Variants in ADGRG7 observed in about 807,000 individuals in gnomAD.
The protein encoded by ADGRG7 is adhesion G protein-coupled receptor G7.
Under a neutral mutation model 88.6 loss-of-function variants are expected in ADGRG7, and 82 were observed. That is an observed-to-expected ratio of 0.93 (90% CI 0.77 to 1.11). The LOEUF is 1.11. Ranked by LOEUF, ADGRG7 falls within the 50% of genes most tolerant of loss-of-function variation. ADGRG7 has a pLI of 0.00. For synonymous variants in ADGRG7, 381 were observed against 345.2 expected (o/e 1.10, Z -1.15); for missense variants, 945 against 953.4 (o/e 0.99, Z 0.12).
At chr3:100,620,617 G>T (rs115295022) in intron 1 of ADGRG7, among the ~76,000 whole-genome samples, 2 of 152,076 alleles carry the variant, frequency 1.3e-5, no homozygotes, top group African/African-American at 4.8e-5. Context: ...ATATTTTCAA[G>T]GTGTTGTCAA....
chr3:100,628,259 GT>G (rs1377601505), intron 1 of ADGRG7, among the ~76,000 whole-genome samples: 15 of 149,526 alleles, frequency 1.0e-4, no homozygotes, highest in South Asian at 4.3e-4. Context: ...CCTTCAAGTA[GT>G]TTTTTTTTTA....
At chr3:100,638,559 C>T (rs1305920503) in intron 6 of ADGRG7, among the ~76,000 whole-genome samples, 1 of 152,128 alleles carries the variant, frequency 6.6e-6, no homozygotes, top group East Asian at 1.9e-4. Context: ...AGACATTATT[C>T]AGAAAGAACC....
chr3:100,677,263 A>G (rs1448091765), intron 15 of ADGRG7, among the ~76,000 whole-genome samples: 6 of 152,042 alleles, frequency 3.9e-5, no homozygotes, highest in African/African-American at 1.4e-4. Flanking sequence ...ATTTGAGGTT[A>G]CCACAAGGCT....
intron 6 of ADGRG7, among the ~76,000 whole-genome samples, 175 bp from the exon 7 acceptor site, chr3:100,643,091 C>T (rs2149024266): frequency 6.6e-6 from 1 of 152,290 alleles, no homozygotes; most frequent in African/African-American, 2.4e-5. Context: ...TATTTAAGTA[C>T]ATATAACACA....
In ADGRG7 at chr3:100,619,299, G is replaced by A. The variant is rs141694426; in HGVS notation, c.115+9328G>A. On this transcript the variant is annotated intron_variant, in intron 1 of 15. Transcript: ENST00000273352. The stretch of plus-strand genomic sequence containing the variant: ...CATGGAAACTGAACAACCTGCTCCT[G>A]AATGAATACTGGGTAAATAATGAAA... Among the ~76,000 whole-genome samples, 1,064 of 152,286 alleles carry A rather than the reference G, an allele frequency of 7.0e-3. 9 individuals are homozygous for A. The highest frequency in any genetic ancestry group is 0.013 in the African/African-American group (540 of 41,562).
chr3:100,688,110 G>T (rs1055554128), intron 15 of ADGRG7, among the ~76,000 whole-genome samples: 4 of 152,160 alleles, frequency 2.6e-5, no homozygotes, highest in African/African-American at 9.7e-5. Context: ...TCTTGGGAGA[G>T]TGTATGTGTC....
intron 11 of ADGRG7, among the ~76,000 whole-genome samples, chr3:100,652,363 C>T (rs1414704888): frequency 1.3e-5 from 2 of 152,060 alleles, no homozygotes; most frequent in Non-Finnish European, 2.9e-5. Flanking sequence ...TAGACTTCAT[C>T]AAATTATGAG....
Position 100,649,866 on chromosome 3 carries a change from CT to C in ADGRG7, c.1379+60del. 2 of 947,652 alleles carry C rather than the reference CT, an allele frequency of 2.1e-6. 1 individual carries two copies. The highest frequency in any genetic ancestry group is 2.9e-5 in the South Asian group (2 of 69,076). 58.7% of individuals were successfully genotyped at this position (947,652 alleles called of 1,614,324 possible). On this transcript the variant is annotated intron_variant, in intron 11 of 15. Transcript: ENST00000273352. ...AATTGCTATCTTGATATAATTTACTCTGAGAATTCTCATGAGTAGTGTCTTT... is the reference window on the plus strand; with the variant it reads ...AATTGCTATCTTGATATAATTTACTCGAGAATTCTCATGAGTAGTGTCTTT...
intron 11 of ADGRG7, among the ~76,000 whole-genome samples, chr3:100,651,171 A>T (rs879390625): frequency 2.6e-5 from 4 of 152,222 alleles, no homozygotes; most frequent in African/African-American, 7.2e-5. Flanking sequence ...GGAGCTGAAT[A>T]CAAAACTATG....
intron 1 of ADGRG7, among the ~76,000 whole-genome samples, chr3:100,620,885 C>G (rs994245414): frequency 2.6e-5 from 4 of 151,280 alleles, no homozygotes; most frequent in African/African-American, 9.7e-5. Context: ...TCAAGCAGGT[C>G]TGTTGGTCCC....
intron 1 of ADGRG7, among the ~76,000 whole-genome samples, chr3:100,622,473 GC>G: frequency 6.6e-6 from 1 of 151,974 alleles, no homozygotes; most frequent in South Asian, 2.1e-4. Flanking sequence ...TTTAACTGTG[GC>G]TTTAATTTGT....
At chr3:100,694,708 C>T (rs1048043121) in intron 15 of ADGRG7, 36 bp from the exon 16 acceptor site, 2 of 1,595,842 alleles carry the variant, frequency 1.3e-6, no homozygotes, top group African/African-American at 2.7e-5. Context: ...TGTATCTCAG[C>T]ACTTACCCAA....
At chr3:100,670,969 G>C (rs1163507211) in intron 15 of ADGRG7, among the ~76,000 whole-genome samples, 2 of 152,168 alleles carry the variant, frequency 1.3e-5, no homozygotes, top group East Asian at 1.9e-4. Context: ...CATTTGGGTT[G>C]GTTCCAAGTC....
intron 14 of ADGRG7, chr3:100,665,191 AC>A: frequency 1.9e-6 from 1 of 539,970 alleles, no homozygotes; most frequent in South Asian, 1.4e-5. Flanking sequence ...GTTCAGGCTT[AC>A]ATCCAACAGG....
At chr3:100,656,146 TATTTTA>T in intron 13 of ADGRG7, 151 bp downstream of exon 13, 1 of 528,590 alleles carries the variant, frequency 1.9e-6, no homozygotes, top group East Asian at 2.9e-5. Context: ...GAACACGTTA[TATTTTA>T]AATGTGATGA....
chr3:100,627,577 A>T (rs1486693238), intron 1 of ADGRG7, among the ~76,000 whole-genome samples: 1 of 152,176 alleles, frequency 6.6e-6, no homozygotes, highest in Non-Finnish European at 1.5e-5. Context: ...TGCTGGCATT[A>T]TGAAATGATT....
At position 100,643,607 on chromosome 3, in the gene ADGRG7, T is replaced by G; in HGVS notation, c.920T>G (p.Leu307Arg). 1.2e-6 allele frequency: 2 copies of G among 1,613,604 alleles called. No homozygotes were observed. Among genetic ancestry groups the G allele is most frequent in the Non-Finnish European group, 1.7e-6 (2 of 1,179,650 alleles). ...CTTAACCCAGATGCACAGACTGAGC[T>G]TCAGGTCTTGCTTAATATGACGAAA... Reference protein sequence around the residue: ...DGLNPDAQTELQVLLNMTKNY... With the variant: ...DGLNPDAQTERQVLLNMTKNY... Residue 307 changes from leucine to arginine, a missense_variant, in exon 8 of 16, where the codon CTT becomes CGT. Transcript: ENST00000273352.
Position 100,646,738 on chromosome 3 carries a change from T to C in ADGRG7, c.1266+14T>C, listed in dbSNP as rs1436642822. The C allele has an allele frequency of 6.2e-7, 1 of 1,602,008 alleles. No homozygotes were observed. The highest frequency in any genetic ancestry group is 1.3e-5 in the African/African-American group (1 of 74,670). Reference sequence around the variant, plus strand: ...GCTGTATTAATGGTAAGGATATACATAGCAATCTCTTTCCAGATGAGAATT... The same window carrying C: ...GCTGTATTAATGGTAAGGATATACACAGCAATCTCTTTCCAGATGAGAATT... On this transcript the variant is annotated intron_variant, in intron 10 of 15. Coordinates refer to ENST00000273352, the MANE Select transcript of ADGRG7 (RefSeq NM_032787.3).
rs533780478 is a variant in ADGRG7 at position 100,633,349 on chromosome 3, A to C, written c.419A>C (p.Asn140Thr). ...CAAAAAGTGACAATAGGAAATTGCA[A>C]TGAAAATCTGGAAACCCTGGAAAAG... ...ELQKVTIGNC[N>T]ENLETLEKQV... Residue 140 changes from asparagine to threonine, a missense_variant, in exon 4 of 16, where the codon AAT becomes ACT. Coordinates refer to ENST00000273352, the MANE Select transcript of ADGRG7 (RefSeq NM_032787.3). The C allele has an allele frequency of 4.4e-6, 7 of 1,588,492 alleles. No homozygotes were observed. In the Admixed American group the frequency reaches 1.2e-4, roughly 28 times the overall value.
Sources: gnomAD v4.1 joint callset for allele counts (sites outside exome capture counted in the v4.1 genomes callset) on GRCh38, gnomAD v4.1.1 for gene constraint, MANE v1.5 for transcripts, NCBI Gene and HGNC (gene_info 2026-07-23, HGNC 2026-07-21) for gene names.